TGFA: variants seen among roughly 807,000 people sequenced by gnomAD.
The protein encoded by TGFA is transforming growth factor alpha, also known as protransforming growth factor alpha.
TGFA carries 12 observed loss-of-function variants against 21.7 expected under a neutral mutation model. The ratio of observed to expected loss-of-function variants is 0.55; its 90% CI spans 0.35 to 0.90. The LOEUF (loss-of-function observed/expected upper bound fraction) is 0.90. Ranked by LOEUF, TGFA falls within the 40% of genes least tolerant of loss-of-function variation. The pLI is 0.01. For missense variants in TGFA, 178 were observed against 210.8 expected, an observed-to-expected ratio of 0.84 and a Z score of 0.96; for synonymous variants, 79 against 88.1, an observed-to-expected ratio of 0.90 and a Z score of 0.58.
At chr2:70,514,759 G>A in intron 2 of TGFA, 100 bp downstream of exon 2, 1 of 1,280,288 alleles carries the variant, frequency 7.8e-7, no homozygotes, top group Non-Finnish European at 1.1e-6. Context: ...CGTGTGCTCG[G>A]TGGGCAGGAG....
chr2:70,451,565 C>G (rs138029239), intron 5 of TGFA, among the ~76,000 whole-genome samples: 4 of 152,180 alleles, frequency 2.6e-5, no homozygotes, highest in African/African-American at 9.7e-5. Flanking sequence ...TTAGAGCTAA[C>G]TTCTTAAATG....
At chr2:70,550,393 T>C (rs1673453312) in intron 1 of TGFA, among the ~76,000 whole-genome samples, 1 of 151,938 alleles carries the variant, frequency 6.6e-6, no homozygotes, top group Non-Finnish European at 1.5e-5. Flanking sequence ...TGGAACTTAG[T>C]GCTAACTTCC....
chr2:70,528,137 T>A (rs72910082), intron 1 of TGFA, among the ~76,000 whole-genome samples: 297 of 152,394 alleles, frequency 1.9e-3, no homozygotes, highest in African/African-American at 6.9e-3. Context: ...ATTTCTCACC[T>A]ATGGTGAAAT....
chr2:70,550,457 A>T (rs1219721835), intron 1 of TGFA, among the ~76,000 whole-genome samples: 3 of 151,566 alleles, frequency 2.0e-5, no homozygotes, highest in Admixed American at 6.6e-5. Flanking sequence ...TGCATAAAAA[A>T]TTAAATAATT....
At chr2:70,462,064 C>T (rs1474605997) in intron 3 of TGFA, among the ~76,000 whole-genome samples, 3 of 152,036 alleles carry the variant, frequency 2.0e-5, no homozygotes, top group African/African-American at 7.3e-5. Context: ...ATCCTGGCTC[C>T]CTGTGGGTTT....
At chr2:70,522,913 C>G (rs1347487330) in intron 1 of TGFA, among the ~76,000 whole-genome samples, 1 of 152,122 alleles carries the variant, frequency 6.6e-6, no homozygotes, top group Non-Finnish European at 1.5e-5. Flanking sequence ...ATGAAAAGTC[C>G]CTTCCTATGA....
intron 2 of TGFA, among the ~76,000 whole-genome samples, chr2:70,511,610 T>TG (rs149434599): frequency 0.027 from 4,132 of 152,300 alleles, 193 homozygotes; most frequent in African/African-American, 0.094. Context: ...TCATTGCCTT[T>TG]CTGGTGCAGT....
At chr2:70,494,012 T>G (rs1671507494) in intron 2 of TGFA, among the ~76,000 whole-genome samples, 1 of 151,610 alleles carries the variant, frequency 6.6e-6, no homozygotes. Context: ...CTGAAATGAG[T>G]CTTATGGGGA....
At chr2:70,476,851 T>C (rs1212329940) in intron 2 of TGFA, among the ~76,000 whole-genome samples, 1 of 152,214 alleles carries the variant, frequency 6.6e-6, no homozygotes, top group Non-Finnish European at 1.5e-5. Flanking sequence ...ATGACAAAGA[T>C]GTGACTCTCT....
At chr2:70,451,309 T>C (rs1670051483) in intron 5 of TGFA, among the ~76,000 whole-genome samples, 2 of 152,228 alleles carry the variant, frequency 1.3e-5, no homozygotes, top group Admixed American at 6.5e-5. Context: ...GAGGGTATCC[T>C]CTGTGTCTGT....
chr2:70,447,724 C>CA lies in TGFA; in HGVS notation c.*3134dup, dbSNP rs1205051456. The CA allele has an allele frequency of 6.6e-6, 1 of 152,194 alleles. No individual in the cohort carries two copies. Among genetic ancestry groups the CA allele is most frequent in the Non-Finnish European group, 1.5e-5 (1 of 68,022 alleles). The allele number at this position is 152,194 out of a possible 1,614,324, so 9.4% of individuals were successfully genotyped here. On this transcript the variant is annotated 3_prime_UTR_variant, in exon 6 of 6. Coordinates refer to ENST00000295400, the MANE Select transcript of TGFA (RefSeq NM_003236.4). ...AGAGAGAACAGGTCTTATGTTAGAA[C>CA]ATTTAAAAATATACATGTTTGTCTT...
At chr2:70,549,080 C>T (rs557053739) in intron 1 of TGFA, among the ~76,000 whole-genome samples, 48 of 152,220 alleles carry the variant, frequency 3.2e-4, no homozygotes, top group Admixed American at 9.2e-4. Context: ...ATATTTGAAA[C>T]GGCAGCAAGA....
chr2:70,504,451 TATATATATATATACAC>T (rs1223727600), intron 2 of TGFA, among the ~76,000 whole-genome samples: 5 of 71,298 alleles, frequency 7.0e-5, no homozygotes, highest in African/African-American at 5.0e-4. Flanking sequence ...TATATATATA[TATATATATATATACAC>T]ACATACATAC....
intron 3 of TGFA, among the ~76,000 whole-genome samples, chr2:70,465,284 A>G (rs1170719435): frequency 6.6e-6 from 1 of 152,190 alleles, no homozygotes; most frequent in Non-Finnish European, 1.5e-5. Context: ...TGCTCCAGAA[A>G]TTCTAAGTTG....
At chr2:70,479,004 G>A (rs1362273366) in intron 2 of TGFA, among the ~76,000 whole-genome samples, 2 of 151,968 alleles carry the variant, frequency 1.3e-5, no homozygotes, top group Non-Finnish European at 2.9e-5. Flanking sequence ...TTTCTTCCCA[G>A]TTACCAGTTT....
At chr2:70,465,512 G>T in intron 3 of TGFA, 104 bp downstream of exon 3, 1 of 1,428,556 alleles carries the variant, frequency 7.0e-7, no homozygotes. Flanking sequence ...TCTGGCTCCA[G>T]GGGTCTCGGA....
At chr2:70,488,066 T>C (rs1340494628) in intron 2 of TGFA, among the ~76,000 whole-genome samples, 3 of 152,228 alleles carry the variant, frequency 2.0e-5, no homozygotes, top group Admixed American at 1.3e-4. Context: ...TGATGTAGAT[T>C]TTTTTCATAT....
At chr2:70,475,073 C>T (rs77025650) in intron 2 of TGFA, among the ~76,000 whole-genome samples, 7,706 of 151,822 alleles carry the variant, frequency 0.051, 469 homozygotes, top group African/African-American at 0.14. Flanking sequence ...AAGGCAAAAG[C>T]AGAGTTTGCA....
chr2:70,506,145 G>A (rs1370245883), intron 2 of TGFA, among the ~76,000 whole-genome samples: 2 of 152,220 alleles, frequency 1.3e-5, no homozygotes, highest in Non-Finnish European at 2.9e-5. Context: ...AGGCCAATGA[G>A]AGAGAAGACG....
Sources: gnomAD v4.1 joint callset for allele counts (sites outside exome capture counted in the v4.1 genomes callset) on GRCh38, gnomAD v4.1.1 for gene constraint, MANE v1.5 for transcripts, NCBI Gene and HGNC (gene_info 2026-07-23, HGNC 2026-07-21) for gene names.